MYO1F: variants seen among roughly 807,000 people sequenced by gnomAD.
The protein encoded by MYO1F is unconventional myosin-If.
A neutral mutation model predicts 146.6 loss-of-function variants in MYO1F; 60 were observed. The ratio of observed to expected loss-of-function variants is 0.41; its 90% CI spans 0.33 to 0.51. MYO1F has a LOEUF of 0.51. Ranked by LOEUF, MYO1F falls within the 20% of genes least tolerant of loss-of-function variation. The pLI, the probability that MYO1F is intolerant of heterozygous loss-of-function variation, is 0.25. For missense variants in MYO1F, 1,274 were observed against 1,534.3 expected (o/e 0.83, Z 2.83); for synonymous variants, 602 against 602.1 (o/e 1.00, Z 0.00).
intron 1 of MYO1F, among the ~76,000 whole-genome samples, chr19:8,557,391 G>C (rs1374891128): frequency 6.6e-6 from 1 of 152,120 alleles, no homozygotes; most frequent in Non-Finnish European, 1.5e-5. Context: ...CAACCTCCTG[G>C]GCTCAAGCAA....
At chr19:8,525,381 G>A (rs1972222483) in intron 25 of MYO1F, 98 bp downstream of exon 25, 1 of 1,029,070 alleles carries the variant, frequency 9.7e-7, no homozygotes, top group Admixed American at 1.8e-5. Context: ...GAAGTGAGTG[G>A]TAAACTGTGT....
At chr19:8,543,765 GTGCTGGTGGTGC>G (rs1555723835) in intron 14 of MYO1F, among the ~76,000 whole-genome samples, 13 of 9,530 alleles carry the variant, frequency 1.4e-3, no homozygotes, top group African/African-American at 6.5e-3. Flanking sequence ...GGTGGTGGTG[GTGCTGGTGGTGC>G]TGGTGGTGCT....
chr19:8,526,669 T>A, intron 23 of MYO1F, 68 bp from the exon 24 acceptor site: 1 of 1,553,836 alleles, frequency 6.4e-7, no homozygotes, highest in Non-Finnish European at 8.7e-7. Flanking sequence ...TCTCGCTGGT[T>A]GGGGCAGGGG....
At chr19:8,544,177 G>A (rs1973231224) in intron 14 of MYO1F, 120 bp downstream of exon 14, 2 of 1,081,676 alleles carry the variant, frequency 1.8e-6, no homozygotes, top group Non-Finnish European at 2.8e-6. Flanking sequence ...GAATTCTACA[G>A]CCCTGGATAA....
chr19:8,559,336 T>TGGGGGGGGGGGGGGG (rs1156978401), intron 1 of MYO1F, among the ~76,000 whole-genome samples: 1 of 21,846 alleles, frequency 4.6e-5, no homozygotes, highest in African/African-American at 8.6e-5. Flanking sequence ...CTTGAGGGGG[T>TGGGGGGGGGGGGGGG]GGGGGGTGGG....
In MYO1F at chr19:8,530,605, T is replaced by C. The variant is rs1972447153; in HGVS notation, c.2044-32A>G. 1.3e-6 allele frequency: 2 copies of C among 1,527,204 alleles called. No homozygotes were observed. Among genetic ancestry groups the C allele is most frequent in the South Asian group, 2.2e-5 (2 of 89,504 alleles). The allele number at this position is 1,527,204 out of a possible 1,614,324, so 94.6% of individuals were successfully genotyped here. ...GGGGGTCGTGGGGGGCAAGGGTGAG[T>C]CCTGGTGTCTCCCCAGGGGCTGCAG... On this transcript the variant is annotated intron_variant, in intron 19 of 27. Transcript: ENST00000644032. This position sits in a 1 kb window ranked among gnomAD's most constrained non-coding sequence, Gnocchi z 5.8.
At chr19:8,536,478 C>CG in intron 18 of MYO1F, 21 bp downstream of exon 18, 1 of 1,407,806 alleles carries the variant, frequency 7.1e-7, no homozygotes, top group Non-Finnish European at 1.0e-6. Context: ...ATGGCGAGGG[C>CG]GGGGGTGGAG....
chr19:8,573,234 C>G (rs1166085178), intron 1 of MYO1F, among the ~76,000 whole-genome samples: 1 of 152,046 alleles, frequency 6.6e-6, no homozygotes, highest in Non-Finnish European at 1.5e-5. Flanking sequence ...TGGCATGAAC[C>G]TAGGAGGTGG....
At chr19:8,565,631 G>A (rs531365076) in intron 1 of MYO1F, among the ~76,000 whole-genome samples, 1 of 152,220 alleles carries the variant, frequency 6.6e-6, no homozygotes, top group East Asian at 1.9e-4. Flanking sequence ...GAGCAGGGTC[G>A]TGAGTGGTGA....
rs941234217 is a variant in MYO1F, at chr19:8,527,271, C to T, written c.2474+67G>A. ...AGATTGTCAGGGTAACAGACGGGGT[C>T]ACTAGAATGAGGGCAGCCAGGGGAC... On this transcript the variant is annotated intron_variant, in intron 22 of 27. Transcript: ENST00000644032. 5.0e-5 allele frequency: 81 copies of T among 1,604,746 alleles called. 1 individual carries two copies. The highest frequency in any genetic ancestry group is 2.2e-4 in the South Asian group (20 of 90,404).
chr19:8,531,829 A>G (rs1477555203), intron 19 of MYO1F, among the ~76,000 whole-genome samples: 3 of 152,040 alleles, frequency 2.0e-5, no homozygotes, highest in Admixed American at 2.0e-4. Flanking sequence ...AGTAAATATG[A>G]AAATGTGGCC....
rs775501333 is a variant in MYO1F, at chr19:8,522,698, G to T, written c.2986C>A (p.Arg996=). 6.2e-7 allele frequency: 1 copy of T among 1,613,860 alleles called. No homozygotes were observed. Among genetic ancestry groups the T allele is most frequent in the Non-Finnish European group, 8.5e-7 (1 of 1,179,976 alleles). Residue 996 remains arginine (R), a synonymous_variant, in exon 26 of 28, where the codon CGG becomes AGG. Transcript: ENST00000644032. ...TTGTGCTCTGAGGGCGGACGTGCCCGGGGTCGTCTGCTGGCTCCCAGGGAT... is the reference window on the plus strand; with the variant it reads ...TTGTGCTCTGAGGGCGGACGTGCCCTGGGTCGTCTGCTGGCTCCCAGGGAT... The part of the protein sequence containing the change: ...STSLGASRRP[R]ARPPSEHNTE...
chr19:8,560,851 G>C (rs950549044), intron 1 of MYO1F, among the ~76,000 whole-genome samples: 4 of 151,032 alleles, frequency 2.6e-5, no homozygotes, highest in South Asian at 2.1e-4. Context: ...CCATTCTCCT[G>C]CCTCAGCCTC....
intron 8 of MYO1F, 67 bp downstream of exon 8, chr19:8,551,673 T>A: frequency 6.2e-7 from 1 of 1,610,880 alleles, no homozygotes; most frequent in Non-Finnish European, 8.5e-7. Flanking sequence ...TCCTAATTTG[T>A]AACTCAGGAG....
At chr19:8,543,939 C>CTGGTGGTGCTGG (rs1973184507) in intron 14 of MYO1F, 3 of 50,548 alleles carry the variant, frequency 5.9e-5, no homozygotes, top group Non-Finnish European at 6.7e-5. Flanking sequence ...GGTGGTGGTG[C>CTGGTGGTGCTGG]TGGTGGTGCT....
chr19:8,541,422 TGTG>T (rs1271062395), intron 15 of MYO1F, among the ~76,000 whole-genome samples: 23 of 131,618 alleles, frequency 1.7e-4, no homozygotes, highest in African/African-American at 6.1e-4. Context: ...TGTGTGTGTG[TGTG>T]TTTTTTTTTT....
At chr19:8,571,199 A>G (rs560131117) in intron 1 of MYO1F, among the ~76,000 whole-genome samples, 66 of 152,220 alleles carry the variant, frequency 4.3e-4, no homozygotes, top group African/African-American at 1.3e-3. Flanking sequence ...TGCCGGGAGG[A>G]GAGCTAAGCC....
intron 1 of MYO1F, among the ~76,000 whole-genome samples, chr19:8,574,763 C>CA (rs2042205091): frequency 8.4e-6 from 1 of 119,142 alleles, no homozygotes; most frequent in Non-Finnish European, 1.8e-5. Flanking sequence ...CTCTCTCTTT[C>CA]TTTTTTTTTT....
chr19:8,554,859 G>A (rs1379133040), intron 2 of MYO1F, 116 bp from the exon 3 acceptor site: 1 of 968,726 alleles, frequency 1.0e-6, no homozygotes, highest in East Asian at 2.5e-5. Context: ...GGAAGAGATG[G>A]AGATAATGGA....
Sources: gnomAD v4.1 joint callset for allele counts (sites outside exome capture counted in the v4.1 genomes callset) on GRCh38, gnomAD v4.1.1 for gene constraint, Gnocchi (gnomAD v3.1) non-coding constraint, MANE v1.5 for transcripts, NCBI Gene and HGNC (gene_info 2026-07-23, HGNC 2026-07-21) for gene names.